CA8: variants seen among roughly 807,000 people sequenced by gnomAD.
CA8 encodes carbonic anhydrase 8 (inactive), also known as carbonic anhydrase-related protein.
CA8 carries 22 observed loss-of-function variants against 41.4 expected under a neutral mutation model. The ratio of observed to expected loss-of-function variants is 0.53; its 90% confidence interval spans 0.38 to 0.76. CA8 has a LOEUF of 0.76. CA8 is among the 30% of genes least tolerant of loss of function. CA8 has a pLI of 0.00. For missense variants in CA8, 270 were observed against 352.8 expected (o/e 0.77, Z 1.88); for synonymous variants, 121 against 130.6 (o/e 0.93, Z 0.50).
At chr8:60,227,002 A>C in intron 4 of CA8, 67 bp from the exon 5 acceptor site, 3 of 1,133,060 alleles carry the variant, frequency 2.6e-6, no homozygotes, top group African/African-American at 1.5e-5. Flanking sequence ...CTAAAAAAAA[A>C]CTAATAGGGC....
At position 60,219,761 on chromosome 8, in the gene CA8, C is replaced by A. The variant is rs148118416; in HGVS notation, c.738+2888G>T. On this transcript the variant is annotated intron_variant, in intron 7 of 8. Coordinates refer to ENST00000317995, the MANE Select transcript of CA8 (RefSeq NM_004056.6). ...GGCTGGATCCCCAAATCCACCCTTA[C>A]TACCTGTGTCAACCAGGCAAAGGTT... 3.2e-4 allele frequency among the ~76,000 whole-genome samples: 49 copies of A among 152,182 alleles called. No individual in the cohort carries two copies. In the East Asian group the frequency reaches 9.1e-3, roughly 28 times the overall value.
intron 5 of CA8, among the ~76,000 whole-genome samples, chr8:60,225,193 T>C (rs1032083651): frequency 6.6e-6 from 1 of 152,138 alleles, no homozygotes; most frequent in African/African-American, 2.4e-5. Flanking sequence ...TATTCAACAA[T>C]TCACATTTAA....
In CA8 at chr8:60,280,976, C is replaced by T. The variant is rs1241909657; in HGVS notation, c.100+72G>A. On this transcript the variant is annotated intron_variant, in intron 1 of 8. Coordinates refer to ENST00000317995, the MANE Select transcript of CA8 (RefSeq NM_004056.6). Reference sequence around the variant, plus strand: ...CTCGGAGCGCGCAGCGGCAGCAGGACTCGAGTCCCGCGCTCGGCGAGACAC... The same window carrying T: ...CTCGGAGCGCGCAGCGGCAGCAGGATTCGAGTCCCGCGCTCGGCGAGACAC... The T allele has an allele frequency of 1.4e-5, 16 of 1,129,706 alleles. No individual in the cohort carries two copies. In the East Asian group the frequency reaches 3.8e-4, roughly 27 times the overall value. 70.0% of individuals were successfully genotyped at this position (1,129,706 alleles called of 1,614,324 possible).
In CA8 at chr8:60,226,868, C is replaced by T. The variant is rs144839897; in HGVS notation, c.576+5G>A. On this transcript the variant is annotated splice_donor_5th_base_variant and intron_variant, in intron 5 of 8. Transcript: ENST00000317995. ...ATTTCTATATTATTTTAAATAATGA[C>T]TTACCTTATACTGAATATCTTGGAG... is the stretch of plus-strand genomic sequence containing the variant. The T allele has an allele frequency of 9.0e-4, 1,390 of 1,545,552 alleles. 8 individuals are homozygous for T. The African/African-American group carries it at 0.017, about 19-fold the overall frequency.
At chr8:60,200,936 T>G (rs924256529) in intron 8 of CA8, among the ~76,000 whole-genome samples, 6 of 152,296 alleles carry the variant, frequency 3.9e-5, no homozygotes, top group Middle Eastern at 6.8e-3. Flanking sequence ...AATCTTGCCA[T>G]AACAATCCTA....
Position 60,228,373 on chromosome 8 carries a change from CTCTTT to C in CA8, c.514-1443_514-1439del, listed in dbSNP as rs1422419013. 2.0e-5 allele frequency among the ~76,000 whole-genome samples: 3 copies of C among 152,244 alleles called. No homozygotes were observed. The East Asian group carries it at 5.8e-4, about 29-fold the overall frequency. ...CCCATTCTTCAGGAGAAATGGACTT[CTCTTT>C]TGTCTTACTGGTTTAACCATACTAT... is the stretch of plus-strand genomic sequence containing the variant. On this transcript the variant is annotated intron_variant, in intron 4 of 8. Transcript: ENST00000317995.
chr8:60,252,977 C>G (rs1175781926), intron 3 of CA8, among the ~76,000 whole-genome samples: 1 of 152,048 alleles, frequency 6.6e-6, no homozygotes, highest in Non-Finnish European at 1.5e-5. Flanking sequence ...CACCTGTAAT[C>G]CCAGCACTTC....
intron 3 of CA8, among the ~76,000 whole-genome samples, chr8:60,261,213 G>C (rs1282106564): frequency 1.3e-5 from 2 of 152,082 alleles, no homozygotes; most frequent in Non-Finnish European, 2.9e-5. Context: ...CCAAGGCCTG[G>C]ACTCTTCACA....
intron 6 of CA8, 72 bp from the exon 7 acceptor site, chr8:60,222,833 A>G: frequency 1.1e-6 from 1 of 901,770 alleles, no homozygotes; most frequent in South Asian, 1.3e-5. Context: ...TCCAACAACA[A>G]TTTTCAAAAT....
chr8:60,266,111 TAG>T, intron 2 of CA8, 62 bp from the exon 3 acceptor site: 1 of 1,511,314 alleles, frequency 6.6e-7, no homozygotes, highest in South Asian at 1.2e-5. Context: ...TTATAAACAT[TAG>T]AGACTTTTTT....
intron 3 of CA8, among the ~76,000 whole-genome samples, chr8:60,262,794 C>T (rs1357570809): frequency 6.6e-6 from 1 of 152,204 alleles, no homozygotes. Flanking sequence ...CAGATGAGAG[C>T]ATGATAAGCA....
intron 4 of CA8, among the ~76,000 whole-genome samples, chr8:60,227,859 A>C (rs570661116): frequency 6.6e-6 from 1 of 152,276 alleles, no homozygotes; most frequent in East Asian, 1.9e-4. Flanking sequence ...AAATGGAGAC[A>C]AAAAAATTCT....
intron 2 of CA8, among the ~76,000 whole-genome samples, chr8:60,271,353 C>T (rs1804067096): frequency 6.6e-6 from 1 of 151,434 alleles, no homozygotes; most frequent in Non-Finnish European, 1.5e-5. Flanking sequence ...AGAAGAGAGA[C>T]AGAGAGAGAG....
chr8:60,212,977 A>C (rs1235650032), intron 7 of CA8, among the ~76,000 whole-genome samples: 2 of 152,248 alleles, frequency 1.3e-5, no homozygotes, highest in African/African-American at 4.8e-5. Flanking sequence ...CAAATTAAAA[A>C]GTCAAAAGCA....
intron 8 of CA8, among the ~76,000 whole-genome samples, chr8:60,203,869 C>T (rs1405586655): frequency 6.6e-6 from 1 of 152,168 alleles, no homozygotes; most frequent in African/African-American, 2.4e-5. Flanking sequence ...GCTTCCTGTT[C>T]TCTCTGGTTT....
intron 8 of CA8, among the ~76,000 whole-genome samples, chr8:60,200,506 T>C (rs1806392347): frequency 6.6e-6 from 1 of 152,278 alleles, no homozygotes; most frequent in African/African-American, 2.4e-5. Context: ...CCATAACCTA[T>C]ATATAAATGA....
chr8:60,218,722 C>CA (rs1807117727), intron 7 of CA8, among the ~76,000 whole-genome samples: 2 of 151,990 alleles, frequency 1.3e-5, no homozygotes, highest in Admixed American at 1.3e-4. Flanking sequence ...GCAACAACAA[C>CA]AAAAAAATGT....
At chr8:60,258,123 C>G (rs1803610864) in intron 3 of CA8, among the ~76,000 whole-genome samples, 1 of 152,232 alleles carries the variant, frequency 6.6e-6, no homozygotes, top group African/African-American at 2.4e-5. Flanking sequence ...TACACGCTCC[C>G]TGCCCATCAG....
chr8:60,275,483 T>G (rs1422948367), intron 2 of CA8, among the ~76,000 whole-genome samples: 1 of 151,962 alleles, frequency 6.6e-6, no homozygotes, highest in African/African-American at 2.4e-5. Flanking sequence ...AAAAGGTTTT[T>G]AATTGCAGCG....
Sources: gnomAD v4.1 joint callset for allele counts (sites outside exome capture counted in the v4.1 genomes callset) on GRCh38, gnomAD v4.1.1 for gene constraint, MANE v1.5 for transcripts, NCBI Gene and HGNC (gene_info 2026-07-23, HGNC 2026-07-21) for gene names.